The following TNRC6C variants were observed in gnomAD, a reference collection of about 807,000 sequenced individuals.
The protein encoded by TNRC6C is trinucleotide repeat containing adaptor 6C.
Under a neutral mutation model 153.7 loss-of-function variants are expected in TNRC6C, and 20 were observed. The ratio of observed to expected loss-of-function variants is 0.13; its 90% CI spans 0.09 to 0.19. The LOEUF is 0.19. TNRC6C is among the 10% of genes least tolerant of loss of function. TNRC6C has a pLI of 1.00. For synonymous variants in TNRC6C, 811 were observed against 841.4 expected (o/e 0.96, Z 0.63); for missense variants, 1,987 against 2,172.0 (o/e 0.91, Z 1.69).
exon 16 of TNRC6C, chr17:78,093,712 A>G: frequency 6.2e-7 from 1 of 1,613,984 alleles, no homozygotes. Flanking sequence ...CACTGGGCCT[A>G]CCATCAACAC....
intron 1 of TNRC6C, among the ~76,000 whole-genome samples, chr17:77,997,733 T>C (rs1164405746): frequency 6.6e-6 from 1 of 151,804 alleles, no homozygotes; most frequent in Non-Finnish European, 1.5e-5. Flanking sequence ...CTCAGCTCAC[T>C]GCAAGCTCCG....
chr17:78,040,559 T>G (rs1470672291), intron 2 of TNRC6C, among the ~76,000 whole-genome samples: 1 of 152,056 alleles, frequency 6.6e-6, no homozygotes, highest in Non-Finnish European at 1.5e-5. Flanking sequence ...TGCCAAATGT[T>G]TAGGAGTTGT....
chr17:78,081,766 A>C (rs1230144925), intron 10 of TNRC6C, among the ~76,000 whole-genome samples: 2 of 152,138 alleles, frequency 1.3e-5, no homozygotes, highest in South Asian at 2.1e-4. Context: ...GTAGCAGAAG[A>C]AGCAGTTAGT....
At chr17:78,050,784 T>G (rs1362382929) in exon 3 of TNRC6C, 6 of 1,607,294 alleles carry the variant, frequency 3.7e-6, no homozygotes, top group Middle Eastern at 1.7e-4. Context: ...GGGGTGAGCC[T>G]CCAAAGCCCA....
exon 20 of TNRC6C, chr17:78,106,878 A>C (rs1458089498): frequency 3.3e-5 from 5 of 149,718 alleles, no homozygotes; most frequent in Admixed American, 1.3e-4. Flanking sequence ...CAAAACAAAA[A>C]AAATACAAAA....
intron 11 of TNRC6C, among the ~76,000 whole-genome samples, chr17:78,085,768 TACTACCA>T (rs2073268573): frequency 6.6e-6 from 1 of 152,038 alleles, no homozygotes; most frequent in African/African-American, 2.4e-5. Flanking sequence ...TTGGGACAGT[TACTACCA>T]GTGTTTCACA....
At position 78,104,909 on chromosome 17, in the gene TNRC6C, C is replaced by T; in HGVS notation, c.*64C>T. The T allele has an allele frequency of 7.3e-7, 1 of 1,370,776 alleles. No individual in the cohort carries two copies. Among genetic ancestry groups the T allele is most frequent in the Non-Finnish European group, 9.4e-7 (1 of 1,067,086 alleles). The allele number at this position is 1,370,776 out of a possible 1,614,324, so 84.9% of individuals were successfully genotyped here. ...CGGGACCCCTCCCGGCTGGGCGGCC[C>T]CACAGACCCGCTGGAACCCAGCAGC... On this transcript the variant is annotated 3_prime_UTR_variant, in exon 20 of 20. Coordinates refer to ENST00000301624, the Ensembl canonical transcript of TNRC6C. This position sits in a 1 kb window ranked among gnomAD's most constrained non-coding sequence, Gnocchi z 6.2.
At position 78,077,696 on chromosome 17, in the gene TNRC6C, C is replaced by T. The variant is rs117299172; in HGVS notation, c.3210+362C>T. 1,771 of 232,602 alleles carry T rather than the reference C, an allele frequency of 7.6e-3. 8 individuals are homozygous for T. The highest frequency in any genetic ancestry group is 0.011 in the Non-Finnish European group (1,346 of 119,124). 14.4% of individuals were successfully genotyped at this position (232,602 alleles called of 1,614,324 possible). ...CCCTCTTTCCTCATGGCAACCAAAA[C>T]GACGTTACATCTGTTGATCTGCGAG... On this transcript the variant is annotated intron_variant, in intron 9 of 19. Coordinates refer to ENST00000301624, the Ensembl canonical transcript of TNRC6C.
intron 18 of TNRC6C, among the ~76,000 whole-genome samples, chr17:78,103,129 G>A (rs2073627719): frequency 1.3e-5 from 2 of 152,322 alleles, no homozygotes; most frequent in South Asian, 4.1e-4. Context: ...GAGGCTCTGT[G>A]CGACGTGCTC....
chr17:78,025,733 T>C (rs2071930368), intron 1 of TNRC6C, among the ~76,000 whole-genome samples: 1 of 152,216 alleles, frequency 6.6e-6, no homozygotes, highest in Non-Finnish European at 1.5e-5. Context: ...ATATAATGGA[T>C]GTTCATTCTG....
chr17:78,077,560 G>T (rs906467008), intron 9 of TNRC6C: 3 of 606,606 alleles, frequency 4.9e-6, no homozygotes, highest in South Asian at 2.0e-5. Context: ...TAACTAAAAC[G>T]TGTTTGAGCT....
At chr17:78,018,672 A>T (rs2071776643) in intron 1 of TNRC6C, among the ~76,000 whole-genome samples, 1 of 152,086 alleles carries the variant, frequency 6.6e-6, no homozygotes, top group South Asian at 2.1e-4. Flanking sequence ...CATCAAGTTT[A>T]TTATTGATCC....
At chr17:77,982,511 GAC>G (rs2071093881) in intron 1 of TNRC6C, among the ~76,000 whole-genome samples, 3 of 152,036 alleles carry the variant, frequency 2.0e-5, no homozygotes, top group Admixed American at 1.3e-4. Flanking sequence ...TCCAAAAAAA[GAC>G]AAAAAAGAAA....
At chr17:78,058,278 T>C (rs2072698790) in intron 3 of TNRC6C, among the ~76,000 whole-genome samples, 1 of 152,228 alleles carries the variant, frequency 6.6e-6, no homozygotes, top group African/African-American at 2.4e-5. Flanking sequence ...AGCATTTATG[T>C]GTGTTCTAAG....
intron 1 of TNRC6C, among the ~76,000 whole-genome samples, chr17:77,980,979 T>C (rs1244774577): frequency 6.6e-6 from 1 of 152,026 alleles, no homozygotes; most frequent in African/African-American, 2.4e-5. Context: ...GTTATGTTTT[T>C]TGGTTTTTTG....
chr17:77,969,075 A>T (rs1383865438), intron 1 of TNRC6C, among the ~76,000 whole-genome samples: 1 of 152,166 alleles, frequency 6.6e-6, no homozygotes, highest in East Asian at 1.9e-4. Context: ...TTGAGTGCCT[A>T]CCATGTGCCA....
chr17:78,069,923 TAAG>T (rs2072959535), intron 5 of TNRC6C, among the ~76,000 whole-genome samples: 3 of 152,140 alleles, frequency 2.0e-5, no homozygotes, highest in Non-Finnish European at 2.9e-5. Context: ...GAAGGGCAAA[TAAG>T]AAACTGCTAT....
At position 78,075,333 on chromosome 17, in the gene TNRC6C, T is replaced by A; in HGVS notation, c.3060+55T>A. ...CTTTTTTAACAAGAGGAGTTTTTCATTTCAACTGTGTCCTTAATACAAGCC... is the reference window on the plus strand; with the variant it reads ...CTTTTTTAACAAGAGGAGTTTTTCAATTCAACTGTGTCCTTAATACAAGCC... On this transcript the variant is annotated intron_variant, in intron 8 of 19. Coordinates refer to ENST00000301624, the Ensembl canonical transcript of TNRC6C. The surrounding 1 kb of genome is among the most constrained non-coding windows in gnomAD (Gnocchi z 4.2). The A allele has an allele frequency of 6.5e-7, 1 of 1,537,702 alleles. No homozygotes were observed. The highest frequency in any genetic ancestry group is 8.8e-7 in the Non-Finnish European group (1 of 1,136,404).
At chr17:78,048,011 C>T (rs1382165651) in intron 2 of TNRC6C, among the ~76,000 whole-genome samples, 1 of 152,098 alleles carries the variant, frequency 6.6e-6, no homozygotes, top group African/African-American at 2.4e-5. Flanking sequence ...TAAAGTTATT[C>T]TAGGGATCTC....
Sources: gnomAD v4.1 joint callset for allele counts (sites outside exome capture counted in the v4.1 genomes callset) on GRCh38, gnomAD v4.1.1 for gene constraint, Gnocchi (gnomAD v3.1) non-coding constraint, MANE v1.5 for transcripts, NCBI Gene and HGNC (gene_info 2026-07-23, HGNC 2026-07-21) for gene names.